NEDD4L: variants seen among roughly 807,000 people sequenced by gnomAD.
The protein encoded by NEDD4L is E3 ubiquitin-protein ligase NEDD4-like.
In NEDD4L, 54 loss-of-function variants were observed where a neutral mutation model predicts 148.9. That is an observed-to-expected ratio of 0.36 (90% confidence interval 0.29 to 0.45). NEDD4L has a LOEUF of 0.45. Ranked by LOEUF, NEDD4L falls within the 20% of genes least tolerant of loss-of-function variation. NEDD4L has a pLI of 1.00. For missense variants in NEDD4L, 856 were observed against 1,233.8 expected, an observed-to-expected ratio of 0.69 and a Z score of 4.59; for synonymous variants, 433 against 440.7, an observed-to-expected ratio of 0.98 and a Z score of 0.22.
intron 1 of NEDD4L, among the ~76,000 whole-genome samples, chr18:58,154,738 A>G (rs2035250283): frequency 6.6e-6 from 1 of 152,248 alleles, no homozygotes; most frequent in African/African-American, 2.4e-5. Flanking sequence ...TAGTGATCCA[A>G]GATCATGCCG....
At chr18:58,275,225 A>G (rs1241455093) in intron 5 of NEDD4L, among the ~76,000 whole-genome samples, 1 of 152,232 alleles carries the variant, frequency 6.6e-6, no homozygotes, top group African/African-American at 2.4e-5. Context: ...TCATAAGAGA[A>G]AATATATTTG....
intron 2 of NEDD4L, chr18:58,197,801 AAGAG>A (rs2040898784): frequency 6.6e-6 from 1 of 152,368 alleles, no homozygotes; most frequent in African/African-American, 2.4e-5. Flanking sequence ...TGTTCAGCAG[AAGAG>A]AGCAACCACA....
At chr18:58,152,974 A>G (rs1467463135) in intron 1 of NEDD4L, among the ~76,000 whole-genome samples, 1 of 152,124 alleles carries the variant, frequency 6.6e-6, no homozygotes, top group Non-Finnish European at 1.5e-5. Flanking sequence ...ACAGCCACCT[A>G]TGGGGTGGCT....
intron 16 of NEDD4L, among the ~76,000 whole-genome samples, chr18:58,347,030 A>T (rs2043158284): frequency 6.6e-6 from 1 of 151,814 alleles, no homozygotes; most frequent in Non-Finnish European, 1.5e-5. Context: ...ATTATTTTTG[A>T]TAAAATAATA....
chr18:58,309,644 C>T (rs1006374732), intron 5 of NEDD4L, among the ~76,000 whole-genome samples: 6 of 151,594 alleles, frequency 4.0e-5, no homozygotes, highest in African/African-American at 7.3e-5. Flanking sequence ...TCCCAGTGTT[C>T]GCACCCCCAG....
intron 5 of NEDD4L, among the ~76,000 whole-genome samples, chr18:58,298,199 T>TCTTA (rs1414093891): frequency 6.6e-6 from 1 of 152,204 alleles, no homozygotes; most frequent in African/African-American, 2.4e-5. Flanking sequence ...TCTGTCTACA[T>TCTTA]GCATGTCATA....
intron 1 of NEDD4L, among the ~76,000 whole-genome samples, chr18:58,131,361 G>T (rs1211912411): frequency 6.9e-6 from 1 of 145,070 alleles, no homozygotes; most frequent in African/African-American, 2.7e-5. Flanking sequence ...GAACTGTGGT[G>T]GTGTTGGGCT....
chr18:58,217,350 G>T (rs993725528), intron 2 of NEDD4L, among the ~76,000 whole-genome samples: 3 of 152,144 alleles, frequency 2.0e-5, no homozygotes, highest in Non-Finnish European at 4.4e-5. Flanking sequence ...CTCTACTGTA[G>T]CTGGTTTTGA....
At position 58,389,118 on chromosome 18, in the gene NEDD4L, A is replaced by G. The variant is rs752957596; in HGVS notation, c.2581A>G (p.Asn861Asp). 1.2e-6 allele frequency: 2 copies of G among 1,613,960 alleles called. No individual in the cohort carries two copies. Among genetic ancestry groups the G allele is most frequent in the Non-Finnish European group, 1.7e-6 (2 of 1,179,858 alleles). ...GTGCGGCCTCGGTGATGTGGATGTG[A>G]ATGACTGGAGACAGCATTCTATTTA... ...LMCGLGDVDV[N>D]DWRQHSIYKN... Residue 861 changes from asparagine to aspartate, a missense_variant, in exon 28 of 31, where the codon AAT becomes GAT. By Grantham distance (23) the Asn-to-Asp change is conservative. Coordinates refer to ENST00000400345, the MANE Select transcript of NEDD4L (RefSeq NM_001144967.3).
chr18:58,346,603 C>A (rs1163060853), intron 16 of NEDD4L, among the ~76,000 whole-genome samples: 2 of 152,168 alleles, frequency 1.3e-5, no homozygotes, highest in Non-Finnish European at 2.9e-5. Flanking sequence ...AGAAAAAAGG[C>A]ACTTTTTTTT....
intron 1 of NEDD4L, among the ~76,000 whole-genome samples, chr18:58,130,857 A>G (rs936461422): frequency 4.1e-5 from 6 of 147,272 alleles, no homozygotes; most frequent in Non-Finnish European, 8.9e-5. Context: ...GTTGGTTGTG[A>G]TCTAGTGGAA....
intron 5 of NEDD4L, among the ~76,000 whole-genome samples, chr18:58,299,453 C>T (rs571846016): frequency 8.5e-5 from 13 of 152,168 alleles, no homozygotes; most frequent in African/African-American, 3.1e-4. Context: ...CAGATTGACG[C>T]CTGAAAAGAA....
chr18:58,301,392 T>C (rs1480864552), intron 5 of NEDD4L, among the ~76,000 whole-genome samples: 1 of 152,204 alleles, frequency 6.6e-6, no homozygotes, highest in Admixed American at 6.5e-5. Context: ...ATATAGTTTA[T>C]AGCTGTGACT....
Position 58,389,097 on chromosome 18 carries a change from G to A in NEDD4L, c.2560G>A (p.Gly854Ser), listed in dbSNP as rs1185926634. 3 of 1,613,824 alleles carry A rather than the reference G, an allele frequency of 1.9e-6. No individual in the cohort carries two copies. Among genetic ancestry groups the A allele is most frequent in the Admixed American group, 1.7e-5 (1 of 60,020 alleles). ...ATTTTCTTCCTAGTTGCTCATGTGCGGCCTCGGTGATGTGGATGTGAATGA... is the reference window on the plus strand; with the variant it reads ...ATTTTCTTCCTAGTTGCTCATGTGCAGCCTCGGTGATGTGGATGTGAATGA... The part of the protein sequence containing the change: ...DENELELLMC[G>S]LGDVDVNDWR... The change falls in exon 28 of 31, where the codon GGC becomes AGC. Residue 854 changes from glycine to serine, a missense_variant. Gly to Ser is a moderately conservative substitution (Grantham distance 56). This residue lies in a region of NEDD4L where 286 missense variants were observed against 531.8 expected (regional missense o/e 0.54). Coordinates refer to ENST00000400345, the MANE Select transcript of NEDD4L (RefSeq NM_001144967.3).
intron 1 of NEDD4L, among the ~76,000 whole-genome samples, chr18:58,063,160 C>T (rs1272982533): frequency 6.6e-6 from 1 of 150,716 alleles, no homozygotes; most frequent in Non-Finnish European, 1.5e-5. Context: ...ATCCTCCTAC[C>T]ACAGCCTCCC....
At chr18:58,275,131 TAA>T (rs1326402700) in intron 5 of NEDD4L, among the ~76,000 whole-genome samples, 1 of 152,182 alleles carries the variant, frequency 6.6e-6, no homozygotes, top group African/African-American at 2.4e-5. Flanking sequence ...ACTGATAACT[TAA>T]ACAGTTGATT....
chr18:58,336,542 T>A (rs1296245586), intron 13 of NEDD4L, among the ~76,000 whole-genome samples: 2 of 151,044 alleles, frequency 1.3e-5, no homozygotes, highest in African/African-American at 4.9e-5. Context: ...GCACCACTGC[T>A]CTCCACCCTG....
intron 5 of NEDD4L, among the ~76,000 whole-genome samples, chr18:58,264,286 C>T (rs769034565): frequency 6.6e-6 from 1 of 152,044 alleles, no homozygotes; most frequent in Non-Finnish European, 1.5e-5. Context: ...AGTGTGCCTC[C>T]GGCCTGCTTG....
At chr18:58,221,199 G>A (rs1334470161) in intron 2 of NEDD4L, among the ~76,000 whole-genome samples, 1 of 152,234 alleles carries the variant, frequency 6.6e-6, no homozygotes, top group African/African-American at 2.4e-5. Flanking sequence ...AGCTGAGTTA[G>A]TTTGTGGCAG....
Sources: gnomAD v4.1 joint callset for allele counts (sites outside exome capture counted in the v4.1 genomes callset) on GRCh38, gnomAD v4.1.1 for gene constraint, gnomAD v4.1.1 regional missense constraint, MANE v1.5 for transcripts, NCBI Gene and HGNC (gene_info 2026-07-23, HGNC 2026-07-21) for gene names.